Variants in NCALD observed in about 807,000 individuals in gnomAD.
NCALD encodes neurocalcin delta, also known as neurocalcin-delta.
A neutral mutation model predicts 18.6 loss-of-function variants in NCALD; 10 were observed. That is an observed-to-expected ratio of 0.54 (90% CI 0.33 to 0.91). NCALD has a LOEUF of 0.91. Among genes scored for constraint, NCALD ranks in the 40% least tolerant of loss-of-function variants. The pLI, the probability that NCALD is intolerant of heterozygous loss-of-function variation, is 0.03. For missense variants in NCALD, 184 were observed against 247.6 expected (o/e 0.74, Z 1.72); for synonymous variants, 88 against 87.4 (o/e 1.01, Z -0.04).
At position 101,880,962 on chromosome 8, in the gene NCALD, T is replaced by C. The variant is rs150432875; in HGVS notation, c.-20+6179A>G. 1.4e-4 allele frequency among the ~76,000 whole-genome samples: 22 copies of C among 152,268 alleles called. No homozygotes were observed. In the East Asian group the frequency reaches 4.3e-3, roughly 29 times the overall value. ...AATGTCATGAAAAGGACTTAGAACT[T>C]TATTTTTGAGATAATCAGAAGTCCT... On this transcript the variant is annotated intron_variant, in intron 4 of 6. Coordinates refer to the NCALD transcript ENST00000311028.
At chr8:101,696,060 T>C (rs1352001599) in intron 2 of NCALD, among the ~76,000 whole-genome samples, 1 of 152,144 alleles carries the variant, frequency 6.6e-6, no homozygotes, top group African/African-American at 2.4e-5. Flanking sequence ...GTCAAAAGAT[T>C]TGAGCTTTTC....
At chr8:102,019,359 G>A (rs1329550368) in intron 2 of NCALD, among the ~76,000 whole-genome samples, 1 of 152,082 alleles carries the variant, frequency 6.6e-6, no homozygotes, top group African/African-American at 2.4e-5. Context: ...TTTGAAAACT[G>A]TTTGATAGTA....
At chr8:102,054,280 G>C (rs1482634515) in intron 1 of NCALD, among the ~76,000 whole-genome samples, 1 of 152,010 alleles carries the variant, frequency 6.6e-6, no homozygotes, top group Admixed American at 6.6e-5. Flanking sequence ...ATATTTGGTC[G>C]AACGCCAGTC....
chr8:102,067,383 CTGT>C (rs1230514795), intron 1 of NCALD, among the ~76,000 whole-genome samples: 3 of 152,168 alleles, frequency 2.0e-5, no homozygotes, highest in Admixed American at 6.5e-5. Flanking sequence ...CTTAACCTTG[CTGT>C]TGTTGTTTAC....
At chr8:102,046,748 G>T (rs552627935) in intron 1 of NCALD, among the ~76,000 whole-genome samples, 11 of 150,758 alleles carry the variant, frequency 7.3e-5, no homozygotes, top group African/African-American at 2.7e-4. Flanking sequence ...GGAAGTACTG[G>T]GATAACAGGC....
intron 3 of NCALD, chr8:101,691,750 G>A (rs1416113798): frequency 1.0e-6 from 1 of 985,386 alleles, no homozygotes; most frequent in Non-Finnish European, 1.2e-6. Flanking sequence ...TTCTTAGGCA[G>A]CTGTACCTGG....
chr8:101,870,678 C>A (rs186416262), intron 4 of NCALD, among the ~76,000 whole-genome samples: 2 of 152,226 alleles, frequency 1.3e-5, no homozygotes, highest in African/African-American at 4.8e-5. Context: ...TTACTCAAAG[C>A]ATTGACATAG....
intron 1 of NCALD, among the ~76,000 whole-genome samples, chr8:102,121,584 C>G (rs999226573): frequency 6.6e-6 from 1 of 152,182 alleles, no homozygotes; most frequent in Admixed American, 6.5e-5. Context: ...TAAACTTCAC[C>G]TCTGCCTCCA....
chr8:101,791,155 C>T (rs1030660953), upstream of NCALD, among the ~76,000 whole-genome samples: 5 of 152,188 alleles, frequency 3.3e-5, no homozygotes, highest in African/African-American at 9.6e-5. Flanking sequence ...TGTACGCACA[C>T]ACCATAGAAC....
chr8:102,119,739 T>G (rs1295513513), intron 1 of NCALD, among the ~76,000 whole-genome samples: 1 of 152,218 alleles, frequency 6.6e-6, no homozygotes, highest in Non-Finnish European at 1.5e-5. Context: ...CTGCTCCAGA[T>G]TCTAGTCAAT....
At chr8:102,012,841 T>C (rs1056665790) in intron 2 of NCALD, among the ~76,000 whole-genome samples, 2 of 152,304 alleles carry the variant, frequency 1.3e-5, no homozygotes, top group African/African-American at 4.8e-5. Context: ...GAATTTTCCC[T>C]TTTCTCAGCT....
At chr8:101,861,627 A>G (rs994451927) in intron 4 of NCALD, among the ~76,000 whole-genome samples, 3 of 152,186 alleles carry the variant, frequency 2.0e-5, no homozygotes, top group African/African-American at 7.2e-5. Context: ...GAAAATTACA[A>G]TCTAAAAGAA....
intron 1 of NCALD, among the ~76,000 whole-genome samples, chr8:102,040,098 G>T (rs59557419): frequency 0.018 from 2,732 of 152,236 alleles, 81 homozygotes; most frequent in African/African-American, 0.062. Flanking sequence ...GTACTTCCTA[G>T]GGGTTTGTGA....
In NCALD at chr8:101,689,399, G is replaced by C. The variant is rs767180417; in HGVS notation, c.492C>G (p.Leu164=). 2 of 1,604,530 alleles carry C rather than the reference G, an allele frequency of 1.2e-6. No homozygotes were observed. The highest frequency in any genetic ancestry group is 1.7e-6 in the Non-Finnish European group (2 of 1,175,630). ...RQMDTNRDGK[L]SLEEFIRGAK... ...CTCCTCGGATGAACTCTTCCAGGGA[G>C]AGTTTTCCTAGGAAGCAAGAGGACA... The change falls in exon 4 of 4, where the codon CTC becomes CTG. Residue 164 remains leucine (L), a synonymous_variant. Coordinates refer to ENST00000220931, the MANE Select transcript of NCALD (RefSeq NM_032041.3). The surrounding 1 kb of genome is among the most constrained non-coding windows in gnomAD (Gnocchi z 4.4).
Position 101,814,265 on chromosome 8 carries a change from T to C in NCALD, c.-20+72876A>G, listed in dbSNP as rs569220754. ...AAATCTTCAATAAAAAATTAGCAAATTGAATCCAACAATATATTTTTAAAA... is the reference window on the plus strand; with the variant it reads ...AAATCTTCAATAAAAAATTAGCAAACTGAATCCAACAATATATTTTTAAAA... On this transcript the variant is annotated intron_variant, in intron 4 of 6. Transcript: ENST00000311028. 7.2e-5 allele frequency among the ~76,000 whole-genome samples: 11 copies of C among 152,162 alleles called. No individual in the cohort carries two copies. In the East Asian group the frequency reaches 1.9e-3, roughly 27 times the overall value.
At chr8:101,864,658 G>C (rs550303272) in intron 4 of NCALD, among the ~76,000 whole-genome samples, 151 of 147,424 alleles carry the variant, frequency 1.0e-3, no homozygotes, top group African/African-American at 3.2e-3. Flanking sequence ...GCAATGGCAC[G>C]ATCTTGACTC....
At chr8:101,968,615 G>T (rs1820122405) in intron 2 of NCALD, among the ~76,000 whole-genome samples, 1 of 152,052 alleles carries the variant, frequency 6.6e-6, no homozygotes. Flanking sequence ...TTGCTGTAAT[G>T]CCTGCACTGT....
chr8:101,697,579 T>A (rs1815059206), intron 2 of NCALD, among the ~76,000 whole-genome samples: 1 of 152,058 alleles, frequency 6.6e-6, no homozygotes, highest in Admixed American at 6.5e-5. Context: ...CAGCAGCACA[T>A]CAAAAAGCTT....
At chr8:102,068,336 A>G (rs76179661) in intron 1 of NCALD, among the ~76,000 whole-genome samples, 9,316 of 152,122 alleles carry the variant, frequency 0.061, 417 homozygotes, top group Non-Finnish European at 0.093. Flanking sequence ...CTCCATCTCC[A>G]GCCTCATTCA....
Sources: gnomAD v4.1 joint callset for allele counts (sites outside exome capture counted in the v4.1 genomes callset) on GRCh38, gnomAD v4.1.1 for gene constraint, Gnocchi (gnomAD v3.1) non-coding constraint, MANE v1.5 for transcripts, NCBI Gene and HGNC (gene_info 2026-07-23, HGNC 2026-07-21) for gene names.